Variants in INPP4B observed in about 807,000 individuals in gnomAD.
The protein encoded by INPP4B is inositol polyphosphate 4-phosphatase type II.
A neutral mutation model predicts 122.5 loss-of-function variants in INPP4B; 55 were observed. The observed-to-expected ratio is 0.45, with a 90% CI of 0.36 to 0.56. INPP4B has a LOEUF of 0.56. Ranked by LOEUF, INPP4B falls within the 20% of genes least tolerant of loss-of-function variation. The pLI, the probability that INPP4B is intolerant of heterozygous loss-of-function variation, is 0.00. For missense variants in INPP4B, 1,000 were observed against 1,097.7 expected (o/e 0.91, Z 1.26); for synonymous variants, 403 against 388.7 (o/e 1.04, Z -0.43).
chr4:142,462,279 A>G (rs534356831), intron 3 of INPP4B, among the ~76,000 whole-genome samples: 15 of 152,156 alleles, frequency 9.9e-5, no homozygotes, highest in Admixed American at 2.0e-4. Flanking sequence ...TTACTTATAT[A>G]TTGATATCTA....
chr4:142,618,390 C>T (rs1383443789), intron 2 of INPP4B, among the ~76,000 whole-genome samples: 1 of 151,984 alleles, frequency 6.6e-6, no homozygotes, highest in Admixed American at 6.6e-5. Context: ...GACATATGGA[C>T]CAATGGAACA....
chr4:142,150,010 T>C (rs1022215734), intron 17 of INPP4B, among the ~76,000 whole-genome samples: 1 of 152,174 alleles, frequency 6.6e-6, no homozygotes, highest in Non-Finnish European at 1.5e-5. Context: ...AAGGGAAGCA[T>C]TGAATATCTG....
At chr4:142,521,211 C>A (rs1393821613) in intron 2 of INPP4B, among the ~76,000 whole-genome samples, 1 of 151,826 alleles carries the variant, frequency 6.6e-6, no homozygotes, top group African/African-American at 2.4e-5. Flanking sequence ...TGATGTATAA[C>A]AGCATTTCCC....
intron 2 of INPP4B, among the ~76,000 whole-genome samples, chr4:142,713,289 A>T (rs937578681): frequency 6.6e-6 from 1 of 152,218 alleles, no homozygotes; most frequent in Non-Finnish European, 1.5e-5. Flanking sequence ...CTGGGGATAC[A>T]ATTTTGAAGC....
chr4:142,092,448 G>T (rs1780029422), intron 23 of INPP4B, among the ~76,000 whole-genome samples: 1 of 152,138 alleles, frequency 6.6e-6, no homozygotes, highest in South Asian at 2.1e-4. Context: ...CCGCCATCAT[G>T]CCTGGCTAAT....
chr4:142,310,544 A>C (rs1435184837), intron 8 of INPP4B, among the ~76,000 whole-genome samples: 1 of 152,172 alleles, frequency 6.6e-6, no homozygotes, highest in East Asian at 1.9e-4. Context: ...TTGACCTATC[A>C]TCATAAAACA....
intron 25 of INPP4B, among the ~76,000 whole-genome samples, chr4:142,073,387 T>C (rs553079972): frequency 2.6e-5 from 4 of 152,244 alleles, no homozygotes; most frequent in South Asian, 4.1e-4. Flanking sequence ...TGGGTACTTA[T>C]TCATAAATAC....
At chr4:142,216,167 G>T (rs1367093491) in intron 12 of INPP4B, among the ~76,000 whole-genome samples, 1 of 151,824 alleles carries the variant, frequency 6.6e-6, no homozygotes, top group Non-Finnish European at 1.5e-5. Context: ...ATTCTTCCTG[G>T]AAAATCCACC....
chr4:142,803,787 A>G (rs552476893), intron 1 of INPP4B, among the ~76,000 whole-genome samples: 1 of 152,194 alleles, frequency 6.6e-6, no homozygotes, highest in East Asian at 1.9e-4. Context: ...ATGACTATCA[A>G]TGTAAAAATC....
chr4:142,283,878 T>G (rs77330765), intron 9 of INPP4B, among the ~76,000 whole-genome samples: 6,913 of 152,070 alleles, frequency 0.045, 506 homozygotes, highest in African/African-American at 0.16. Context: ...TAGGACCCTT[T>G]AACATTTATA....
chr4:142,290,095 G>A (rs1190512720), intron 9 of INPP4B, among the ~76,000 whole-genome samples: 1 of 151,082 alleles, frequency 6.6e-6, no homozygotes, highest in East Asian at 1.9e-4. Flanking sequence ...CTCTGCTATG[G>A]CTCCAAGCTT....
rs530153974 is a variant in INPP4B at position 142,542,029 on chromosome 4, T to C, written c.-190-79303A>G. ...CAGTTTCCCCAAGAACCCTAGAGGG[T>C]GGATTTCCTGCAAGTTCCAGAGTGC... On this transcript the variant is annotated intron_variant, in intron 2 of 25. Coordinates refer to ENST00000262992, the MANE Select transcript of INPP4B (RefSeq NM_001101669.3). Among the ~76,000 whole-genome samples, 9 of 152,252 alleles carry C rather than the reference T, an allele frequency of 5.9e-5. No individual in the cohort carries two copies. The South Asian group carries it at 1.7e-3, about 28-fold the overall frequency.
chr4:142,695,333 T>C (rs1368124738), intron 2 of INPP4B, among the ~76,000 whole-genome samples: 2 of 152,190 alleles, frequency 1.3e-5, no homozygotes, highest in African/African-American at 4.8e-5. Context: ...AAGATTCTGT[T>C]AGCCAGAAAT....
intron 2 of INPP4B, among the ~76,000 whole-genome samples, chr4:142,675,174 C>A (rs770916180): frequency 6.6e-6 from 1 of 152,132 alleles, no homozygotes; most frequent in Non-Finnish European, 1.5e-5. Context: ...AATATCACCA[C>A]TGATACCACA....
Position 142,145,908 on chromosome 4 carries a change from C to T in INPP4B, c.1652G>A (p.Gly551Asp). Residue 551 changes from glycine to aspartate, a missense_variant, in exon 18 of 26, where the codon GGC becomes GAC. Transcript: ENST00000262992. ...TTCTCCATCATTGTTGCCGCCACTG[C>T]CTTCACTGCCACCATCTCTTTCAAT... The part of the protein sequence containing the change: ...KLIERDGGSE[G>D]SGGNNDGEKE... The T allele has an allele frequency of 6.2e-7, 1 of 1,613,844 alleles. No individual in the cohort carries two copies. Among genetic ancestry groups the T allele is most frequent in the Non-Finnish European group, 8.5e-7 (1 of 1,179,806 alleles).
At chr4:142,137,849 C>A (rs1328214857) in intron 18 of INPP4B, among the ~76,000 whole-genome samples, 2 of 151,612 alleles carry the variant, frequency 1.3e-5, no homozygotes, top group African/African-American at 2.4e-5. Context: ...TCATCTCACA[C>A]CAGTTAGAAT....
chr4:142,750,039 T>TA (rs201517930), intron 1 of INPP4B, among the ~76,000 whole-genome samples: 8 of 151,944 alleles, frequency 5.3e-5, no homozygotes, highest in Non-Finnish European at 1.2e-4. Context: ...AATTTTAATA[T>TA]AAAAAAAGTA....
intron 4 of INPP4B, among the ~76,000 whole-genome samples, chr4:142,430,207 C>A (rs1809001211): frequency 1.3e-5 from 2 of 151,984 alleles, no homozygotes; most frequent in African/African-American, 4.8e-5. Flanking sequence ...TATTTTTGCA[C>A]AGTAACTATA....
chr4:142,642,472 A>G (rs979425044), intron 2 of INPP4B, among the ~76,000 whole-genome samples: 1 of 152,188 alleles, frequency 6.6e-6, no homozygotes, highest in Non-Finnish European at 1.5e-5. Context: ...ATCCAGTTTC[A>G]GCTTTCTACA....
Sources: gnomAD v4.1 joint callset for allele counts (sites outside exome capture counted in the v4.1 genomes callset) on GRCh38, gnomAD v4.1.1 for gene constraint, MANE v1.5 for transcripts, NCBI Gene and HGNC (gene_info 2026-07-23, HGNC 2026-07-21) for gene names.